Variants in PHC2 observed in about 807,000 individuals in gnomAD.
PHC2 encodes polyhomeotic homolog 2.
PHC2 carries 29 observed loss-of-function variants against 87.4 expected under a neutral mutation model. The ratio of observed to expected loss-of-function variants is 0.33; its 90% confidence interval spans 0.25 to 0.45. PHC2 has a LOEUF of 0.45. Ranked by LOEUF, PHC2 falls within the 20% of genes least tolerant of loss-of-function variation. PHC2 has a pLI of 1.00. For missense variants in PHC2, 857 were observed against 1,136.7 expected, an observed-to-expected ratio of 0.75 and a Z score of 3.54; for synonymous variants, 438 against 461.7, an observed-to-expected ratio of 0.95 and a Z score of 0.66.
rs1647612666 is a variant in PHC2, at chr1:33,368,422, C to T, written c.663+114G>A. On this transcript the variant is annotated intron_variant, in intron 6 of 14. Coordinates refer to ENST00000683057, the MANE Select transcript of PHC2 (RefSeq NM_001385109.1). The surrounding 1 kb of genome is among the most constrained non-coding windows in gnomAD (Gnocchi z 6.6). ...GCCTGGGGGCATTGGGGTGTCCTGT[C>T]TCCCGCCTGCTTTCCTAGCTGATCC... 2 of 632,102 alleles carry T rather than the reference C, an allele frequency of 3.2e-6. No individual in the cohort carries two copies. The highest frequency in any genetic ancestry group is 5.5e-6 in the Non-Finnish European group (2 of 363,684). 39.2% of individuals were successfully genotyped at this position (632,102 alleles called of 1,614,324 possible). A position where few individuals can be genotyped will look rare whatever the true frequency, so the allele number is the denominator to read the frequency against.
In PHC2 at chr1:33,323,987, T is replaced by C. The variant is rs1130804; in HGVS notation, c.*878A>G. ...CAGGCAGGCCAGGAGGCTCAGCCCT[T>C]TGGGCTATGTTGCTCAGACCACCGC... On this transcript the variant is annotated 3_prime_UTR_variant, in exon 15 of 15. Coordinates refer to ENST00000683057, the MANE Select transcript of PHC2 (RefSeq NM_001385109.1). 109,260 of 152,298 alleles carry C rather than the reference T, an allele frequency of 0.72. 39,959 individuals carry two copies. The highest frequency in any genetic ancestry group is 0.86 in the African/African-American group (35,825 of 41,542). The allele number at this position is 152,298 out of a possible 1,614,324, so 9.4% of individuals were successfully genotyped here.
At chr1:33,403,858 A>C (rs550813054) in intron 1 of PHC2, among the ~76,000 whole-genome samples, 14 of 152,192 alleles carry the variant, frequency 9.2e-5, no homozygotes, top group Non-Finnish European at 1.9e-4. Context: ...TCATGAAACC[A>C]TATTCTCCTG....
chr1:33,430,575 G>A (rs1650870498), intron 1 of PHC2, among the ~76,000 whole-genome samples: 1 of 152,122 alleles, frequency 6.6e-6, no homozygotes, highest in Non-Finnish European at 1.5e-5. Context: ...CCTCTCCGCA[G>A]GAGGGGGGTC....
intron 14 of PHC2, chr1:33,326,165 TAGG>T (rs1476305514): frequency 3.6e-5 from 8 of 221,604 alleles, no homozygotes; most frequent in East Asian, 1.2e-4. Context: ...CACAGTAAAA[TAGG>T]AGAGAGAGAA....
chr1:33,402,731 C>A (rs1049594761), intron 1 of PHC2, among the ~76,000 whole-genome samples: 1 of 151,954 alleles, frequency 6.6e-6, no homozygotes, highest in African/African-American at 2.4e-5. Context: ...ATACAGAGTT[C>A]AAAACCAGTT....
At chr1:33,408,627 ATTT>A (rs986746561) in intron 1 of PHC2, among the ~76,000 whole-genome samples, 2 of 151,900 alleles carry the variant, frequency 1.3e-5, no homozygotes, top group Admixed American at 1.3e-4. Flanking sequence ...TAACCGGCTA[ATTT>A]TTTTGTTTGT....
intron 8 of PHC2, 42 bp downstream of exon 8, chr1:33,354,796 C>A: frequency 1.3e-6 from 2 of 1,586,280 alleles, no homozygotes; most frequent in South Asian, 1.2e-5. Flanking sequence ...CGAGCTGTGG[C>A]CACCCCGTGT....
intron 6 of PHC2, among the ~76,000 whole-genome samples, chr1:33,367,853 G>A (rs1647570673): frequency 6.6e-6 from 1 of 152,180 alleles, no homozygotes; most frequent in Admixed American, 6.5e-5. Context: ...AACTGACCAG[G>A]AAGGCCACCG....
chr1:33,380,015 T>A (rs1304949646), intron 1 of PHC2, among the ~76,000 whole-genome samples: 2 of 152,174 alleles, frequency 1.3e-5, no homozygotes, highest in African/African-American at 4.8e-5. Flanking sequence ...ACACAGACAC[T>A]CTCTCTTACT....
intron 1 of PHC2, among the ~76,000 whole-genome samples, chr1:33,379,976 C>T (rs1178263179): frequency 2.6e-5 from 4 of 152,180 alleles, no homozygotes; most frequent in African/African-American, 4.8e-5. Flanking sequence ...CCATCCCAGG[C>T]TTGATCAGCA....
At chr1:33,355,283 A>G in intron 7 of PHC2, 30 bp from the exon 8 acceptor site, 1 of 1,522,410 alleles carries the variant, frequency 6.6e-7, no homozygotes, top group Non-Finnish European at 8.8e-7. Context: ...GTTAGAGAGC[A>G]TGGCTTGACC....
In PHC2 at chr1:33,369,874, G is replaced by A. The variant is rs1477943239; in HGVS notation, c.576+547C>T. Reference sequence around the variant, plus strand: ...AGGACCTTTGCACCCCTCAGGGATAGGTGCAAAGGAAAGAGTTGGTGCTAT... The same window carrying A: ...AGGACCTTTGCACCCCTCAGGGATAAGTGCAAAGGAAAGAGTTGGTGCTAT... On this transcript the variant is annotated intron_variant, in intron 5 of 14. Coordinates refer to ENST00000683057, the MANE Select transcript of PHC2 (RefSeq NM_001385109.1). The surrounding 1 kb of genome is among the most constrained non-coding windows in gnomAD (Gnocchi z 4.7). Among the ~76,000 whole-genome samples the A allele has an allele frequency of 6.6e-6, 1 of 152,118 alleles. No individual in the cohort carries two copies. Among genetic ancestry groups the A allele is most frequent in the Non-Finnish European group, 1.5e-5 (1 of 68,022 alleles).
intron 1 of PHC2, among the ~76,000 whole-genome samples, chr1:33,429,795 C>T (rs1192953110): frequency 2.6e-5 from 4 of 152,244 alleles, no homozygotes; most frequent in Non-Finnish European, 5.9e-5. Context: ...TTGCACTTCA[C>T]TTGCAAAATC....
intron 1 of PHC2, among the ~76,000 whole-genome samples, chr1:33,406,606 T>A (rs1167411985): frequency 1.3e-5 from 2 of 152,222 alleles, no homozygotes; most frequent in Non-Finnish European, 1.5e-5. Context: ...TATTATTTTA[T>A]CCAGTATGAC....
chr1:33,347,058 G>T, intron 9 of PHC2: 1 of 985,470 alleles, frequency 1.0e-6, no homozygotes, highest in Non-Finnish European at 1.2e-6. Context: ...AGAACCAAGG[G>T]ATCCAAAGTA....
At chr1:33,407,062 A>G (rs1409251515) in intron 1 of PHC2, among the ~76,000 whole-genome samples, 1 of 152,172 alleles carries the variant, frequency 6.6e-6, no homozygotes, top group African/African-American at 2.4e-5. Flanking sequence ...TAATATGTTC[A>G]CTGAGTTCAT....
At chr1:33,352,775 T>C (rs1189338550) in intron 9 of PHC2, among the ~76,000 whole-genome samples, 1 of 152,168 alleles carries the variant, frequency 6.6e-6, no homozygotes, top group Admixed American at 6.5e-5. Flanking sequence ...GGGCCATTCG[T>C]GCACCATCCT....
intron 14 of PHC2, among the ~76,000 whole-genome samples, chr1:33,326,716 G>A (rs1482471585): frequency 6.6e-6 from 1 of 152,208 alleles, no homozygotes; most frequent in Non-Finnish European, 1.5e-5. Flanking sequence ...CACTTTAGGA[G>A]GCTGAGGTGG....
Position 33,349,816 on chromosome 1 carries a change from G to GGGGCGGGAGCGC in PHC2, c.1558+4573_1558+4584dup. 1 of 976,390 alleles carries GGGGCGGGAGCGC rather than the reference G, an allele frequency of 1.0e-6. No individual in the cohort carries two copies. The highest frequency in any genetic ancestry group is 1.8e-5 in the African/African-American group (1 of 56,582). 60.5% of individuals were successfully genotyped at this position (976,390 alleles called of 1,614,324 possible). On this transcript the variant is annotated intron_variant, in intron 9 of 14. Transcript: ENST00000683057. The surrounding 1 kb of genome is among the most constrained non-coding windows in gnomAD (Gnocchi z 4.2). ...GAGGCCGGGACGGGGGCGCGAGGCC[G>GGGGCGGGAGCGC]GGGCGGGAGCGCGGGCGGCGGCCGG...
Sources: gnomAD v4.1 joint callset for allele counts (sites outside exome capture counted in the v4.1 genomes callset) on GRCh38, gnomAD v4.1.1 for gene constraint, Gnocchi (gnomAD v3.1) non-coding constraint, MANE v1.5 for transcripts, NCBI Gene and HGNC (gene_info 2026-07-23, HGNC 2026-07-21) for gene names.